The following GDF15 variants were observed in gnomAD, a reference collection of about 807,000 sequenced individuals.
GDF15 encodes the protein growth differentiation factor 15.
A neutral mutation model predicts 8.9 loss-of-function variants in GDF15; 10 were observed. That is an observed-to-expected ratio of 1.12 (90% CI 0.69 to 1.90). The LOEUF (loss-of-function observed/expected upper bound fraction) is 1.90. GDF15 is among the 40% of genes most tolerant of loss of function. The probability of loss-of-function intolerance (pLI) is 0.00; values close to 1 mark genes in which losing one functional copy is unlikely to be tolerated. For synonymous variants in GDF15, 228 were observed against 210.6 expected, an observed-to-expected ratio of 1.08 and a Z score of -0.72; for missense variants, 452 against 434.2, an observed-to-expected ratio of 1.04 and a Z score of -0.36.
Position 18,386,434 on chromosome 19 carries a change from C to T in GDF15, c.245C>T (p.Pro82Leu), listed in dbSNP as rs758095463. The T allele has an allele frequency of 5.6e-6, 9 of 1,613,300 alleles. 1 individual carries two copies. The Middle Eastern group carries it at 1.2e-3, about 206-fold the overall frequency. The part of the protein sequence containing the change: ...SWEDSNTDLV[P>L]APAVRILTPE... ...GAAGATTCGAACACCGACCTCGTCC[C>T]GGCCCCTGCAGTCCGGATACTCACG... The change falls in exon 1 of 2, where the codon CCG becomes CTG. Residue 82 changes from proline to leucine, a missense_variant. Transcript: ENST00000252809.
intron 1 of GDF15, among the ~76,000 whole-genome samples, chr19:18,387,384 G>C (rs956195419): frequency 6.6e-6 from 1 of 152,114 alleles, no homozygotes; most frequent in African/African-American, 2.4e-5. Context: ...AAAAAAATTA[G>C]CCAGACATGA....
rs1160116445 is a variant in GDF15 at position 18,388,443 on chromosome 19, C to G, written c.435C>G (p.Leu145=). The change falls in exon 2 of 2, where the codon CTC becomes CTG. Residue 145 remains leucine (L), a synonymous_variant. Transcript: ENST00000252809. This position sits in a 1 kb window ranked among gnomAD's most constrained non-coding sequence, Gnocchi z 4.2. The stretch of plus-strand genomic sequence containing the variant: ...TGACACGACCGCTGCGGCGTCAGCT[C>G]AGCCTTGCAAGACCCCAGGCGCCCG... ...WDVTRPLRRQ[L]SLARPQAPAL... The G allele has an allele frequency of 3.1e-6, 5 of 1,609,892 alleles. No individual in the cohort carries two copies. The highest frequency in any genetic ancestry group is 3.3e-4 in the Middle Eastern group (2 of 6,052).
In GDF15 at chr19:18,387,154, C is replaced by A. The variant is rs1211732382; in HGVS notation, c.277+688C>A. The A allele has an allele frequency of 2.6e-5, 4 of 152,544 alleles. No individual in the cohort carries two copies. The South Asian group carries it at 8.3e-4, about 32-fold the overall frequency. The allele number at this position is 152,544 out of a possible 1,614,324, so 9.4% of individuals were successfully genotyped here. ...GCAACTAGGTTAAGGCACCCTCAAACCCCAGTCTCCCCAGTCTCCCTAACA... is the reference window on the plus strand; with the variant it reads ...GCAACTAGGTTAAGGCACCCTCAAAACCCAGTCTCCCCAGTCTCCCTAACA... On this transcript the variant is annotated intron_variant, in intron 1 of 1. Coordinates refer to ENST00000252809, the MANE Select transcript of GDF15 (RefSeq NM_004864.4).
intron 1 of GDF15, among the ~76,000 whole-genome samples, chr19:18,387,979 G>T (rs1971850782): frequency 6.6e-6 from 1 of 151,864 alleles, no homozygotes; most frequent in Non-Finnish European, 1.5e-5. Flanking sequence ...CAGCCACCAT[G>T]CCCAGCTAAT....
rs1196393880 is a variant in GDF15, at chr19:18,389,092, C to T, written c.*157C>T. The T allele has an allele frequency of 1.8e-6, 1 of 550,916 alleles. No individual in the cohort carries two copies. 34.1% of individuals were successfully genotyped at this position (550,916 alleles called of 1,614,324 possible). ...TTTATTATTAATTTATTGGGGTGAC[C>T]TTCTTGGGGACTCGGGGGCTGGTCT... On this transcript the variant is annotated 3_prime_UTR_variant, in exon 2 of 2. Transcript: ENST00000252809.
At chr19:18,387,838 T>TTTTTTTTTTTTTTTTTTTTTTA (rs1971848872) in intron 1 of GDF15, among the ~76,000 whole-genome samples, 1 of 107,326 alleles carries the variant, frequency 9.3e-6, no homozygotes, top group Non-Finnish European at 2.1e-5. Context: ...TTTTTTTTTT[T>TTTTTTTTTTTTTTTTTTTTTTA]TGAGAGGGAG....
Position 18,388,305 on chromosome 19 carries a change from C to G in GDF15, c.297C>G (p.Gly99=), listed in dbSNP as rs142606058. Residue 99 remains glycine (G), a synonymous_variant, in exon 2 of 2, where the codon GGC becomes GGG. Coordinates refer to ENST00000252809, the MANE Select transcript of GDF15 (RefSeq NM_004864.4). The surrounding 1 kb of genome is among the most constrained non-coding windows in gnomAD (Gnocchi z 4.2). The part of the protein sequence containing the change: ...LTPEVRLGSG[G]HLHLRISRAA... ...CCACAGTGCGGCTGGGATCCGGCGG[C>G]CACCTGCACCTGCGTATCTCTCGGG... The G allele has an allele frequency of 1.2e-6, 2 of 1,610,194 alleles. No individual in the cohort carries two copies. The highest frequency in any genetic ancestry group is 1.3e-5 in the African/African-American group (1 of 74,814).
intron 1 of GDF15, 199 bp downstream of exon 1, chr19:18,386,665 A>C: frequency 1.7e-6 from 1 of 594,516 alleles, no homozygotes; most frequent in Non-Finnish European, 3.0e-6. Context: ...GGGAGGTTAT[A>C]ACCTGTCCCC....
Position 18,388,506 on chromosome 19 carries a change from GGAC to G in GDF15, c.499_501del (p.Asp167del). The G allele has an allele frequency of 2.5e-6, 4 of 1,602,622 alleles. No homozygotes were observed. In the South Asian group the frequency reaches 4.4e-5, roughly 18 times the overall value. On this transcript the variant is annotated inframe_deletion, in exon 2 of 2. Transcript: ENST00000252809. The surrounding 1 kb of genome is among the most constrained non-coding windows in gnomAD (Gnocchi z 4.2). ...GACTGTCGCCGCCGCCGTCGCAGTC[GGAC>G]CAACTGCTGGCAGAATCTTCGTCCG...
Position 18,388,424 on chromosome 19 carries a change from G to C in GDF15, c.416G>C (p.Arg139Pro), listed in dbSNP as rs1971856575. 4.3e-6 allele frequency: 7 copies of C among 1,610,736 alleles called. No individual in the cohort carries two copies. Among genetic ancestry groups the C allele is most frequent in the Non-Finnish European group, 5.9e-6 (7 of 1,179,372 alleles). ...PTASRSWDVTRPLRRQLSLAR... is the reference protein window; with the variant it reads ...PTASRSWDVTPPLRRQLSLAR... ...GCGTCAAGGTCGTGGGACGTGACAC[G>C]ACCGCTGCGGCGTCAGCTCAGCCTT... The change falls in exon 2 of 2, where the codon CGA (arginine) becomes CCA (proline). Residue 139 changes from arginine (R) to proline (P), a missense_variant. Physicochemically the swap from Arg to Pro is moderately radical, Grantham distance 103. Transcript: ENST00000252809. The surrounding 1 kb of genome is among the most constrained non-coding windows in gnomAD (Gnocchi z 4.2).
In GDF15 at chr19:18,386,300, C is replaced by T. The variant is rs773866051; in HGVS notation, c.111C>T (p.Arg37=). The change falls in exon 1 of 2, where the codon CGC becomes CGT. Residue 37 remains arginine, a synonymous_variant. Coordinates refer to ENST00000252809, the MANE Select transcript of GDF15 (RefSeq NM_004864.4). ...CCCTGTCTCTGGCCGAGGCGAGCCG[C>T]GCAAGTTTCCCGGGACCCTCAGAGT... ...GGALSLAEAS[R]ASFPGPSELH... 50 of 1,613,988 alleles carry T rather than the reference C, an allele frequency of 3.1e-5. No individual in the cohort carries two copies. The highest frequency in any genetic ancestry group is 3.8e-5 in the Non-Finnish European group (45 of 1,180,038).
At chr19:18,387,839 T>TTTTTTTTTTTTA (rs1199190336) in intron 1 of GDF15, among the ~76,000 whole-genome samples, 1 of 103,572 alleles carries the variant, frequency 9.7e-6, no homozygotes, top group African/African-American at 3.3e-5. Flanking sequence ...TTTTTTTTTT[T>TTTTTTTTTTTTA]GAGAGGGAGT....
At position 18,388,494 on chromosome 19, in the gene GDF15, G is replaced by A. The variant is rs777034751; in HGVS notation, c.486G>A (p.Pro162=). The A allele has an allele frequency of 4.4e-5, 70 of 1,604,354 alleles. No individual in the cohort carries two copies. Among genetic ancestry groups the A allele is most frequent in the Non-Finnish European group, 5.5e-5 (65 of 1,177,664 alleles). The change falls in exon 2 of 2, where the codon CCG becomes CCA. Residue 162 remains proline (P), a synonymous_variant. Transcript: ENST00000252809. The surrounding 1 kb of genome is among the most constrained non-coding windows in gnomAD (Gnocchi z 4.2). The part of the protein sequence containing the change: ...APALHLRLSP[P]PSQSDQLLAE... The stretch of plus-strand genomic sequence containing the variant: ...CGCTGCACCTGCGACTGTCGCCGCC[G>A]CCGTCGCAGTCGGACCAACTGCTGG...
At position 18,388,289 on chromosome 19, in the gene GDF15, G is replaced by T. The variant is rs887933376; in HGVS notation, c.281G>T (p.Arg94Leu). The T allele has an allele frequency of 6.2e-7, 1 of 1,610,310 alleles. No homozygotes were observed. Among genetic ancestry groups the T allele is most frequent in the Non-Finnish European group, 8.5e-7 (1 of 1,179,586 alleles). ...TTCCCTATCTGTCTTCCCACAGTGC[G>T]GCTGGGATCCGGCGGCCACCTGCAC... is the stretch of plus-strand genomic sequence containing the variant. ...PAVRILTPEVRLGSGGHLHLR... is the reference protein window; with the variant it reads ...PAVRILTPEVLLGSGGHLHLR... The change falls in exon 2 of 2, where the codon CGG (arginine) becomes CTG (leucine). Residue 94 changes from arginine (R) to leucine (L), a missense_variant. Coordinates refer to ENST00000252809, the MANE Select transcript of GDF15 (RefSeq NM_004864.4). The surrounding 1 kb of genome is among the most constrained non-coding windows in gnomAD (Gnocchi z 4.2).
At chr19:18,387,441 G>A (rs1483952908) in intron 1 of GDF15, among the ~76,000 whole-genome samples, 1 of 152,114 alleles carries the variant, frequency 6.6e-6, no homozygotes, top group Non-Finnish European at 1.5e-5. Context: ...GAGGCGGGAG[G>A]AGCACTTGAA....
At chr19:18,386,583 C>A in intron 1 of GDF15, 117 bp downstream of exon 1, 2 of 860,032 alleles carry the variant, frequency 2.3e-6, no homozygotes, top group South Asian at 1.7e-5. Flanking sequence ...CCCATCTGTG[C>A]CCTGGGTAGG....
rs141878712 is a variant in GDF15 at position 18,388,836 on chromosome 19, C to T, written c.828C>T (p.Pro276=). The T allele has an allele frequency of 1.2e-5, 19 of 1,612,038 alleles. No individual in the cohort carries two copies. In the South Asian group the frequency reaches 1.8e-4, roughly 15 times the overall value. ...PDTVPAPCCV[P]ASYNPMVLIQ... Reference sequence around the variant, plus strand: ...CGGTGCCAGCGCCCTGCTGCGTGCCCGCCAGCTACAATCCCATGGTGCTCA... The same window carrying T: ...CGGTGCCAGCGCCCTGCTGCGTGCCTGCCAGCTACAATCCCATGGTGCTCA... Residue 276 remains proline (P), a synonymous_variant, in exon 2 of 2, where the codon CCC becomes CCT. Coordinates refer to ENST00000252809, the MANE Select transcript of GDF15 (RefSeq NM_004864.4). The surrounding 1 kb of genome is among the most constrained non-coding windows in gnomAD (Gnocchi z 4.2).
Position 18,388,534 on chromosome 19 carries a change from G to T in GDF15, c.526G>T (p.Ala176Ser), listed in dbSNP as rs868867596. Residue 176 changes from alanine to serine, a missense_variant, in exon 2 of 2, where the codon GCA (alanine) becomes TCA (serine). Physicochemically the swap from Ala to Ser is moderately conservative, Grantham distance 99. Transcript: ENST00000252809. The surrounding 1 kb of genome is among the most constrained non-coding windows in gnomAD (Gnocchi z 4.2). Reference sequence around the variant, plus strand: ...CCAACTGCTGGCAGAATCTTCGTCCGCACGGCCCCAGCTGGAGTTGCACTT... The same window carrying T: ...CCAACTGCTGGCAGAATCTTCGTCCTCACGGCCCCAGCTGGAGTTGCACTT... ...SDQLLAESSS[A>S]RPQLELHLRP... 3.1e-6 allele frequency: 5 copies of T among 1,596,702 alleles called. No homozygotes were observed. The highest frequency in any genetic ancestry group is 2.3e-5 in the East Asian group (1 of 44,230).
At chr19:18,387,918 T>C (rs1304464855) in intron 1 of GDF15, among the ~76,000 whole-genome samples, 1 of 147,196 alleles carries the variant, frequency 6.8e-6, no homozygotes, top group East Asian at 2.0e-4. Flanking sequence ...ACCGCCCCGA[T>C]TCAAGCCATT....
Sources: gnomAD v4.1 joint callset for allele counts (sites outside exome capture counted in the v4.1 genomes callset) on GRCh38, gnomAD v4.1.1 for gene constraint, Gnocchi (gnomAD v3.1) non-coding constraint, MANE v1.5 for transcripts, NCBI Gene and HGNC (gene_info 2026-07-23, HGNC 2026-07-21) for gene names.